CTNNA3: variants seen among roughly 807,000 people sequenced by gnomAD.
CTNNA3 encodes the protein catenin alpha-3.
CTNNA3 carries 76 observed loss-of-function variants against 95.7 expected under a neutral mutation model. That is an observed-to-expected ratio of 0.79 (90% CI 0.66 to 0.96). The LOEUF is 0.96. Among genes scored for constraint, CTNNA3 ranks in the 40% least tolerant of loss-of-function variants. The probability of loss-of-function intolerance (pLI) is 0.00; values close to 1 mark genes in which losing one functional copy is unlikely to be tolerated. For missense variants in CTNNA3, 1,191 were observed against 1,089.8 expected (o/e 1.09, Z -1.31); for synonymous variants, 431 against 374.4 (o/e 1.15, Z -1.74).
intron 11 of CTNNA3, among the ~76,000 whole-genome samples, chr10:66,515,744 G>A (rs1840828845): frequency 6.6e-6 from 1 of 152,174 alleles, no homozygotes; most frequent in East Asian, 1.9e-4. Flanking sequence ...AGTGAAGGAA[G>A]AAGCCTTTAT....
chr10:67,721,948 G>C (rs1403592487), intron 1 of CTNNA3, among the ~76,000 whole-genome samples: 1 of 152,044 alleles, frequency 6.6e-6, no homozygotes, highest in East Asian at 1.9e-4. Context: ...GTTTGCTGGA[G>C]GTCCACTCCA....
chr10:66,958,257 A>C (rs79316991), intron 7 of CTNNA3, among the ~76,000 whole-genome samples: 2,358 of 145,584 alleles, frequency 0.016, 75 homozygotes, highest in African/African-American at 0.057. Flanking sequence ...GCAACTTAGC[A>C]TTTATTGGTT....
At chr10:66,661,324 A>T (rs180947184) in intron 9 of CTNNA3, among the ~76,000 whole-genome samples, 1 of 152,202 alleles carries the variant, frequency 6.6e-6, no homozygotes, top group Admixed American at 6.5e-5. Context: ...TGGTGGTGGC[A>T]AGAGACAAAC....
At chr10:66,618,208 T>G (rs1194167181) in intron 10 of CTNNA3, among the ~76,000 whole-genome samples, 2 of 151,790 alleles carry the variant, frequency 1.3e-5, no homozygotes. Context: ...TGGAAAAAAC[T>G]ACTTTAAAGT....
chr10:67,074,099 C>T (rs550420548), intron 7 of CTNNA3, among the ~76,000 whole-genome samples: 1 of 142,316 alleles, frequency 7.0e-6, no homozygotes, highest in East Asian at 2.1e-4. Context: ...GCAGTGGCGC[C>T]ATCTTGGCTC....
intron 5 of CTNNA3, among the ~76,000 whole-genome samples, chr10:67,491,398 G>C (rs10997664): frequency 0.072 from 10,967 of 152,222 alleles, 480 homozygotes; most frequent in South Asian, 0.14. Context: ...AACACATACA[G>C]TATGACAAGT....
At chr10:66,110,412 C>A (rs2082078415) in intron 13 of CTNNA3, among the ~76,000 whole-genome samples, 1 of 150,438 alleles carries the variant, frequency 6.6e-6, no homozygotes, top group South Asian at 2.1e-4. Context: ...GAGATATCTG[C>A]ACTTCCATGT....
chr10:67,422,565 G>T (rs949565800), intron 5 of CTNNA3, among the ~76,000 whole-genome samples: 1 of 152,092 alleles, frequency 6.6e-6, no homozygotes, highest in Admixed American at 6.6e-5. Flanking sequence ...AATTAGAGGA[G>T]GGGCCTGGTG....
At chr10:66,531,143 G>A (rs888113073) in intron 10 of CTNNA3, among the ~76,000 whole-genome samples, 1 of 152,034 alleles carries the variant, frequency 6.6e-6, no homozygotes, top group Admixed American at 6.6e-5. Flanking sequence ...AAGTAAAAGA[G>A]GAAAAGAATA....
chr10:66,169,799 T>C (rs2085322373), intron 13 of CTNNA3, among the ~76,000 whole-genome samples: 1 of 152,228 alleles, frequency 6.6e-6, no homozygotes, highest in African/African-American at 2.4e-5. Context: ...TTTATATGTT[T>C]GTTGGCCATT....
intron 11 of CTNNA3, among the ~76,000 whole-genome samples, chr10:66,401,650 ATTTC>A (rs1239150312): frequency 7.7e-6 from 1 of 130,310 alleles, no homozygotes; most frequent in East Asian, 2.3e-4. Flanking sequence ...AAATTATTCC[ATTTC>A]TTTCTTTTTT....
chr10:67,211,579 T>C (rs1864140968), intron 6 of CTNNA3, among the ~76,000 whole-genome samples: 1 of 152,182 alleles, frequency 6.6e-6, no homozygotes, highest in South Asian at 2.1e-4. Flanking sequence ...TTTAAAGCAA[T>C]TACTATGTAC....
chr10:66,499,166 C>T (rs4617474), intron 11 of CTNNA3, among the ~76,000 whole-genome samples: 101,898 of 151,894 alleles, frequency 0.67, 34,811 homozygotes, highest in East Asian at 0.98. Context: ...TTCTAGAATC[C>T]TACTAACTTC....
chr10:67,190,226 G>C (rs1338589980), intron 6 of CTNNA3, among the ~76,000 whole-genome samples: 2 of 152,012 alleles, frequency 1.3e-5, no homozygotes, highest in African/African-American at 2.4e-5. Flanking sequence ...AATGTGGGAT[G>C]AATCTATATA....
At chr10:66,703,184 C>G (rs1848009875) in intron 9 of CTNNA3, among the ~76,000 whole-genome samples, 1 of 152,068 alleles carries the variant, frequency 6.6e-6, no homozygotes, top group African/African-American at 2.4e-5. Context: ...TTAATATAGT[C>G]ACAGGCAAGA....
At chr10:66,042,386 A>G (rs1264812509) in intron 15 of CTNNA3, among the ~76,000 whole-genome samples, 1 of 152,232 alleles carries the variant, frequency 6.6e-6, no homozygotes, top group African/African-American at 2.4e-5. Context: ...GAAAAACTCA[A>G]TAAATACTTA....
chr10:66,990,072 G>A (rs1850959223), intron 7 of CTNNA3, among the ~76,000 whole-genome samples: 1 of 152,180 alleles, frequency 6.6e-6, no homozygotes, highest in African/African-American at 2.4e-5. Flanking sequence ...CTCACTATGA[G>A]ATGGGTTGGA....
At chr10:67,289,775 G>A (rs556572689) in intron 5 of CTNNA3, among the ~76,000 whole-genome samples, 1 of 139,228 alleles carries the variant, frequency 7.2e-6, no homozygotes, top group South Asian at 2.1e-4. Flanking sequence ...TGGATGGATG[G>A]ATGGACGGAT....
intron 1 of CTNNA3, among the ~76,000 whole-genome samples, chr10:67,719,398 T>C (rs1841164713): frequency 6.6e-6 from 1 of 152,184 alleles, no homozygotes; most frequent in Admixed American, 6.5e-5. Flanking sequence ...TGTTAGGGTA[T>C]CAATTTTAGG....
Sources: gnomAD v4.1 joint callset for allele counts (sites outside exome capture counted in the v4.1 genomes callset) on GRCh38, gnomAD v4.1.1 for gene constraint, MANE v1.5 for transcripts, NCBI Gene and HGNC (gene_info 2026-07-23, HGNC 2026-07-21) for gene names.